The following BAIAP3 variants were observed in gnomAD, a reference collection of about 807,000 sequenced individuals.
The protein encoded by BAIAP3 is BAI1-associated protein 3.
BAIAP3 carries 180 observed loss-of-function variants against 149.7 expected under a neutral mutation model. The ratio of observed to expected loss-of-function variants is 1.20; its 90% CI spans 1.07 to 1.36. The LOEUF is 1.36. Ranked by LOEUF, BAIAP3 falls within the 40% of genes most tolerant of loss-of-function variation. The pLI is 0.00. For synonymous variants in BAIAP3, 845 were observed against 670.7 expected (o/e 1.26, Z -4.02); for missense variants, 1,767 against 1,563.4 (o/e 1.13, Z -2.20).
intron 5 of BAIAP3, among the ~76,000 whole-genome samples, chr16:1,340,219 GACAC>G (rs1303496557): frequency 3.1e-5 from 3 of 98,052 alleles, no homozygotes; most frequent in Non-Finnish European, 5.9e-5. Context: ...GGTGCACACA[GACAC>G]ACACACAGGT....
chr16:1,342,130 A>G lies in BAIAP3; in HGVS notation c.855-51A>G, dbSNP rs886883277. 8 of 1,568,920 alleles carry G rather than the reference A, an allele frequency of 5.1e-6. No homozygotes were observed. In the African/African-American group the frequency reaches 9.5e-5, roughly 19 times the overall value. ...AGCTTGGTCATGGGGCCCGGCGGGCAGTGGCTCCCCAGGAGCCATCAGCGT... is the reference window on the plus strand; with the variant it reads ...AGCTTGGTCATGGGGCCCGGCGGGCGGTGGCTCCCCAGGAGCCATCAGCGT... On this transcript the variant is annotated intron_variant, in intron 10 of 33. Coordinates refer to ENST00000426824, the MANE Select transcript of BAIAP3 (RefSeq NM_001199097.2).
rs780460304 is a variant in BAIAP3, at chr16:1,341,490, G to T, written c.731+1G>T. 4 of 1,605,804 alleles carry T rather than the reference G, an allele frequency of 2.5e-6. No individual in the cohort carries two copies. In the Admixed American group the frequency reaches 6.7e-5, roughly 27 times the overall value. ...CCGTCTGGAAGGAGCACTTCCTCTT[G>T]TGAGGCCCTCGCCCGTCTGGGTGCG... is the stretch of plus-strand genomic sequence containing the variant. On this transcript the variant is annotated splice_donor_variant, in intron 8 of 33. Transcript: ENST00000426824. LOFTEE classifies it high-confidence loss of function.
At position 1,346,336 on chromosome 16, in the gene BAIAP3, C is replaced by A. The variant is rs116326490; in HGVS notation, c.2468C>A (p.Thr823Lys). Reference sequence around the variant, plus strand: ...GATGATCTGCAACGGGAGGCCCACACGGTGACAGCGCACCTGACCTCTAAG... The same window carrying A: ...GATGATCTGCAACGGGAGGCCCACAAGGTGACAGCGCACCTGACCTCTAAG... ...LDDDLQREAH[T>K]VTAHLTSKMV... is the part of the protein sequence containing the mutation. Residue 823 changes from threonine (T) to lysine (K), a missense_variant, in exon 25 of 34, where the codon ACG becomes AAG. Thr to Lys is a moderately conservative substitution (Grantham distance 78, BLOSUM62 -1). Coordinates refer to ENST00000426824, the MANE Select transcript of BAIAP3 (RefSeq NM_001199097.2). The A allele has an allele frequency of 2.5e-6, 4 of 1,604,238 alleles. No individual in the cohort carries two copies. The highest frequency in any genetic ancestry group is 2.6e-6 in the Non-Finnish European group (3 of 1,173,342).
Position 1,347,741 on chromosome 16 carries a change from G to A in BAIAP3, c.2945G>A (p.Arg982His), listed in dbSNP as rs774424048. The change falls in exon 31 of 34, where the codon CGT becomes CAT. Residue 982 changes from arginine to histidine, a missense_variant. Physicochemically the swap from Arg to His is conservative, Grantham distance 29. Coordinates refer to ENST00000426824, the MANE Select transcript of BAIAP3 (RefSeq NM_001199097.2). ...EQNRFGRLSVRCHYEAAEQRL... is the reference protein window; with the variant it reads ...EQNRFGRLSVHCHYEAAEQRL... ...AACCGGTTTGGACGCCTGAGCGTCC[G>A]TTGCCATTACGAGGCGGCTGAGCAG... The A allele has an allele frequency of 2.9e-5, 46 of 1,609,980 alleles. No homozygotes were observed. The highest frequency in any genetic ancestry group is 6.7e-5 in the East Asian group (3 of 44,792).
chr16:1,343,530 C>T lies in BAIAP3; in HGVS notation c.1386+17C>T. 6.2e-7 allele frequency: 1 copy of T among 1,604,744 alleles called. No individual in the cohort carries two copies. The highest frequency in any genetic ancestry group is 8.5e-7 in the Non-Finnish European group (1 of 1,177,194). On this transcript the variant is annotated intron_variant, in intron 15 of 33. Coordinates refer to ENST00000426824, the MANE Select transcript of BAIAP3 (RefSeq NM_001199097.2). ...CAGGAGCAGGTGGGTGCAGCCGGGA[C>T]CTTCTTGCCAGCCATGGCGAAGGGA...
intron 12 of BAIAP3, 21 bp downstream of exon 12, chr16:1,342,655 C>A: frequency 6.2e-7 from 1 of 1,604,912 alleles, no homozygotes; most frequent in Non-Finnish European, 8.5e-7. Flanking sequence ...TGGGCGTCCC[C>A]GTCCTCCACC....
chr16:1,344,922 C>T (rs374573992), intron 20 of BAIAP3, 47 bp from the exon 21 acceptor site: 1 of 1,613,502 alleles, frequency 6.2e-7, no homozygotes, highest in East Asian at 2.2e-5. Flanking sequence ...CTAGGACGGT[C>T]CTGGGATTCC....
At position 1,348,789 on chromosome 16, in the gene BAIAP3, T is replaced by G; in HGVS notation, c.*307T>G. 1 of 470,866 alleles carries G rather than the reference T, an allele frequency of 2.1e-6. No individual in the cohort carries two copies. Among genetic ancestry groups the G allele is most frequent in the Non-Finnish European group, 3.9e-6 (1 of 259,418 alleles). The allele number at this position is 470,866 out of a possible 1,614,324, so 29.2% of individuals were successfully genotyped here. Reference sequence around the variant, plus strand: ...TGGTGGGCCTCCCTGCCCGCTTCCTTGGGCTCCCCGGCCCTGGGTGGGCGG... The same window carrying G: ...TGGTGGGCCTCCCTGCCCGCTTCCTGGGGCTCCCCGGCCCTGGGTGGGCGG... On this transcript the variant is annotated 3_prime_UTR_variant, in exon 34 of 34. Transcript: ENST00000426824.
At chr16:1,336,201 G>A in intron 1 of BAIAP3, 1 of 985,288 alleles carries the variant, frequency 1.0e-6, no homozygotes, top group Non-Finnish European at 1.2e-6. Flanking sequence ...TGCTCCACTG[G>A]CTTCGGGGGA....
intron 14 of BAIAP3, 129 bp from the exon 15 acceptor site, chr16:1,343,264 G>A: frequency 4.4e-6 from 6 of 1,372,594 alleles, no homozygotes; most frequent in Non-Finnish European, 5.9e-6. Context: ...AGGGAAAGGG[G>A]CAGTGCTATG....
chr16:1,338,186 G>A (rs1027956479), intron 1 of BAIAP3, among the ~76,000 whole-genome samples: 3 of 152,262 alleles, frequency 2.0e-5, no homozygotes, highest in Admixed American at 6.5e-5. Flanking sequence ...GTGCTGTCGC[G>A]GGGAGGGGTG....
At chr16:1,347,103 C>T (rs545474482) in intron 28 of BAIAP3, 148 bp downstream of exon 28, 18 of 884,660 alleles carry the variant, frequency 2.0e-5, no homozygotes, top group Non-Finnish European at 2.8e-5. Flanking sequence ...CCGTTAATGC[C>T]GAGGTGTGGC....
intron 1 of BAIAP3, among the ~76,000 whole-genome samples, chr16:1,338,020 T>A (rs2033587008): frequency 6.6e-6 from 1 of 152,176 alleles, no homozygotes; most frequent in South Asian, 2.1e-4. Flanking sequence ...ACCCAGGATG[T>A]CAGGGTTCTG....
Position 1,348,834 on chromosome 16 carries a change from G to A in BAIAP3, c.*352G>A, listed in dbSNP as rs1417275631. 1.9e-5 allele frequency: 8 copies of A among 416,348 alleles called. No individual in the cohort carries two copies. The highest frequency in any genetic ancestry group is 4.0e-5 in the African/African-American group (2 of 49,836). 25.8% of individuals were successfully genotyped at this position (416,348 alleles called of 1,614,324 possible). A position where few individuals can be genotyped will look rare whatever the true frequency, so the allele number is the denominator to read the frequency against. On this transcript the variant is annotated 3_prime_UTR_variant, in exon 34 of 34. Transcript: ENST00000426824. The stretch of plus-strand genomic sequence containing the variant: ...GGGCGGTGGGCAGCTGGTCTCCAGG[G>A]ACTCAGTGAGTGGCTGTGCTCTCTG...
In BAIAP3 at chr16:1,344,105, C is replaced by A; in HGVS notation, c.1470C>A (p.Ala490=). ...GCCAGCTCCGAGACTACTTCCCTGC[C>A]ACCAACAGCACCGCTGTCCACCGCC... is the stretch of plus-strand genomic sequence containing the variant. ...LLRQLRDYFP[A]TNSTAVHRLE... is the part of the protein sequence containing the mutation. Residue 490 remains alanine (A), a synonymous_variant, in exon 16 of 34, where the codon GCC becomes GCA. Coordinates refer to ENST00000426824, the MANE Select transcript of BAIAP3 (RefSeq NM_001199097.2). The A allele has an allele frequency of 6.2e-7, 1 of 1,612,062 alleles. No homozygotes were observed.
At chr16:1,344,363 C>T (rs746669854) in intron 17 of BAIAP3, 46 bp downstream of exon 17, 1 of 1,611,434 alleles carries the variant, frequency 6.2e-7, no homozygotes. Context: ...GCCCTCCCTT[C>T]CCCTTCCCTG....
At chr16:1,339,074 T>G (rs1381776573) in intron 3 of BAIAP3, 85 bp downstream of exon 3, 1 of 1,598,612 alleles carries the variant, frequency 6.3e-7, no homozygotes. Flanking sequence ...CTGCCCTCGC[T>G]CCCACCTCCT....
rs1192243058 is a variant in BAIAP3, at chr16:1,339,164, G to C, written c.220G>C (p.Val74Leu). 3.8e-6 allele frequency: 6 copies of C among 1,567,018 alleles called. No individual in the cohort carries two copies. The East Asian group carries it at 1.4e-4, about 37-fold the overall frequency. ...CCCTCACCCTGGGCCCCACACACAG[G>C]TCCCCCTGCGCAGTGGCTCGCCAGC... is the stretch of plus-strand genomic sequence containing the variant. ...EGRQGLPCLEVPLRSGSPAPP... is the reference protein window; with the variant it reads ...EGRQGLPCLELPLRSGSPAPP... The change falls in exon 4 of 34, where the codon GTC becomes CTC. Residue 74 changes from valine to leucine, a missense_variant and splice_region_variant. Physicochemically the swap from Val to Leu is conservative, Grantham distance 32. Transcript: ENST00000426824.
Position 1,334,796 on chromosome 16 carries a change from C to T in BAIAP3, c.-11+1047C>T, listed in dbSNP as rs1311530774. 5.9e-6 allele frequency: 9 copies of T among 1,513,402 alleles called. No homozygotes were observed. In the South Asian group the frequency reaches 9.6e-5, roughly 16 times the overall value. The allele number at this position is 1,513,402 out of a possible 1,614,324, so 93.7% of individuals were successfully genotyped here. A position where few individuals can be genotyped will look rare whatever the true frequency, so the allele number is the denominator to read the frequency against. On this transcript the variant is annotated intron_variant, in intron 1 of 33. Coordinates refer to ENST00000426824, the MANE Select transcript of BAIAP3 (RefSeq NM_001199097.2). The stretch of plus-strand genomic sequence containing the variant: ...AGATTCCTGCGGGAAACCCCCAGGG[C>T]CTGGTGAAGGGGAGTCGGGGGGCTG...
Sources: allele counts gnomAD v4.1 joint callset (sites outside exome capture counted in the v4.1 genomes callset), GRCh38; gene constraint gnomAD v4.1.1; transcripts MANE v1.5; gene names NCBI Gene and HGNC (gene_info 2026-07-23, HGNC 2026-07-21).